Variants in MYLK observed in about 807,000 individuals in gnomAD.
MYLK encodes the protein myosin light chain kinase, smooth muscle.
A neutral mutation model predicts 203.4 loss-of-function variants in MYLK; 106 were observed. The ratio of observed to expected loss-of-function variants is 0.52; its 90% CI spans 0.45 to 0.61. The LOEUF (loss-of-function observed/expected upper bound fraction) is 0.61. Ranked by LOEUF, MYLK falls within the 20% of genes least tolerant of loss-of-function variation. The pLI is 0.00. For synonymous variants in MYLK, 867 were observed against 959.5 expected (o/e 0.90, Z 1.78); for missense variants, 2,072 against 2,442.3 (o/e 0.85, Z 3.20).
intron 4 of MYLK, among the ~76,000 whole-genome samples, chr3:123,763,417 C>T (rs996710178): frequency 6.6e-6 from 1 of 152,120 alleles, no homozygotes; most frequent in Non-Finnish European, 1.5e-5. Flanking sequence ...TCTATGCCAC[C>T]GTTTTGATAG....
chr3:123,675,829 AC>A, intron 20 of MYLK, among the ~76,000 whole-genome samples: 1 of 152,294 alleles, frequency 6.6e-6, no homozygotes. Flanking sequence ...GAGTCCTACC[AC>A]ACTGGCCCTG....
chr3:123,636,512 G>A (rs371808433), intron 29 of MYLK, among the ~76,000 whole-genome samples: 44 of 152,372 alleles, frequency 2.9e-4, no homozygotes, highest in African/African-American at 6.5e-4. Context: ...AGACCACAGC[G>A]CAGCTGGGGC....
chr3:123,853,201 T>C (rs2031024113), intron 2 of MYLK, among the ~76,000 whole-genome samples: 1 of 152,096 alleles, frequency 6.6e-6, no homozygotes, highest in Non-Finnish European at 1.5e-5. Context: ...AAGCCCACAA[T>C]ATTTTAAAGA....
intron 16 of MYLK, among the ~76,000 whole-genome samples, chr3:123,702,662 C>T (rs1236828382): frequency 6.6e-6 from 1 of 152,140 alleles, no homozygotes; most frequent in Admixed American, 6.5e-5. Context: ...AGAGTCACCA[C>T]TGTTTTTATA....
chr3:123,880,720 A>G (rs2033475674), intron 1 of MYLK, among the ~76,000 whole-genome samples: 1 of 152,196 alleles, frequency 6.6e-6, no homozygotes, highest in Non-Finnish European at 1.5e-5. Context: ...TCACCCTCAG[A>G]CACTGAAGTA....
chr3:123,610,132 T>TCAA lies in MYLK; in HGVS notation c.*3972_*3973insTTG, dbSNP rs1254626214. 5 of 152,272 alleles carry TCAA rather than the reference T, an allele frequency of 3.3e-5. No individual in the cohort carries two copies. The highest frequency in any genetic ancestry group is 1.2e-4 in the African/African-American group (5 of 41,476). 9.4% of individuals were successfully genotyped at this position (152,272 alleles called of 1,614,324 possible). On this transcript the variant is annotated 3_prime_UTR_variant, in exon 34 of 34. Coordinates refer to ENST00000360304, the MANE Select transcript of MYLK (RefSeq NM_053025.4). ...AGACTTTCACACAAGCTTTTCAGTT[T>TCAA]TAATTTCACATAATTTGAAAAGTGA...
intron 20 of MYLK, chr3:123,681,641 A>T (rs925615973): frequency 1.2e-5 from 2 of 165,150 alleles, no homozygotes; most frequent in Admixed American, 5.7e-5. Context: ...TGCAGTGAAG[A>T]GCTCAGTTTG....
At chr3:123,645,670 A>G (rs967160639) in intron 27 of MYLK, among the ~76,000 whole-genome samples, 1 of 152,238 alleles carries the variant, frequency 6.6e-6, no homozygotes, top group Non-Finnish European at 1.5e-5. Context: ...AGATGTGTGT[A>G]CAAGGTTACA....
chr3:123,625,163 C>G (rs959229787), intron 31 of MYLK: 14 of 152,322 alleles, frequency 9.2e-5, no homozygotes, highest in African/African-American at 2.9e-4. Context: ...ACTGAGGTTC[C>G]ACACCTAATT....
At chr3:123,680,286 C>T (rs2060218181) in intron 20 of MYLK, among the ~76,000 whole-genome samples, 1 of 152,186 alleles carries the variant, frequency 6.6e-6, no homozygotes, top group Non-Finnish European at 1.5e-5. Flanking sequence ...CAGGGGCTCA[C>T]TGGAGTGGGT....
Position 123,640,425 on chromosome 3 carries a change from G to C in MYLK, c.4699C>G (p.Arg1567Gly). 6.2e-7 allele frequency: 1 copy of C among 1,613,980 alleles called. No homozygotes were observed. The highest frequency in any genetic ancestry group is 8.5e-7 in the Non-Finnish European group (1 of 1,180,022). ...LTERECIKYM[R>G]QISEGVEYIH... is the part of the protein sequence containing the mutation. The stretch of plus-strand genomic sequence containing the variant: ...TACTCCACTCCCTCCGAGATCTGCC[G>C]CATGTACTTGATGCACTCACGCTCC... The change falls in exon 28 of 34, where the codon CGG becomes GGG. Residue 1567 changes from arginine to glycine, a missense_variant. This residue lies in a region of MYLK where 524 missense variants were observed against 782.4 expected (regional missense o/e 0.67). Transcript: ENST00000360304. The surrounding 1 kb of genome is among the most constrained non-coding windows in gnomAD (Gnocchi z 4.3).
In MYLK at chr3:123,666,293, C is replaced by T; in HGVS notation, c.3757G>A (p.Glu1253Lys). ...FPEDQKVRAGESVELFGKVTG... is the reference protein window; with the variant it reads ...FPEDQKVRAGKSVELFGKVTG... ...ACTTTGCCAAACAGCTCCACTGACT[C>T]TCCTGCGCGTACCTTCTGGTCCTCA... Residue 1253 changes from glutamate (E) to lysine (K), a missense_variant, in exon 22 of 34, where the codon GAG (glutamate) becomes AAG (lysine). Physicochemically the swap from Glu to Lys is moderately conservative, Grantham distance 56 (BLOSUM62 1). This residue lies in a region of MYLK where 865 missense variants were observed against 1,016.0 expected (regional missense o/e 0.85). Transcript: ENST00000360304. The T allele has an allele frequency of 6.2e-7, 1 of 1,614,246 alleles. No homozygotes were observed. The highest frequency in any genetic ancestry group is 2.2e-5 in the East Asian group (1 of 44,886).
chr3:123,795,084 C>T (rs2064936584), intron 3 of MYLK, among the ~76,000 whole-genome samples: 1 of 152,136 alleles, frequency 6.6e-6, no homozygotes, highest in East Asian at 1.9e-4. Context: ...GTGAAAATAT[C>T]CATAATTCTA....
chr3:123,647,530 C>T (rs776075085), intron 26 of MYLK, 103 bp from the exon 27 acceptor site: 4 of 962,982 alleles, frequency 4.2e-6, no homozygotes, highest in South Asian at 1.3e-5. Context: ...GGCCCACCTC[C>T]TTTTATAAGT....
intron 4 of MYLK, among the ~76,000 whole-genome samples, chr3:123,764,688 T>C (rs183466820): frequency 2.8e-4 from 42 of 152,302 alleles, no homozygotes; most frequent in Middle Eastern, 6.8e-3. Flanking sequence ...CGGAGGAGCT[T>C]TCAGTCTCCT....
At chr3:123,833,277 A>C (rs2066391558) in intron 2 of MYLK, among the ~76,000 whole-genome samples, 1 of 152,202 alleles carries the variant, frequency 6.6e-6, no homozygotes, top group Admixed American at 6.5e-5. Flanking sequence ...TAATCCAGGC[A>C]ATCCCAGCAG....
At chr3:123,765,921 G>A (rs1347915991) in intron 4 of MYLK, among the ~76,000 whole-genome samples, 1 of 152,152 alleles carries the variant, frequency 6.6e-6, no homozygotes, top group Non-Finnish European at 1.5e-5. Flanking sequence ...AGAGGGAAAG[G>A]AAGTAAGAAG....
intron 4 of MYLK, among the ~76,000 whole-genome samples, chr3:123,782,785 T>A (rs2064352012): frequency 6.6e-6 from 1 of 152,214 alleles, no homozygotes; most frequent in African/African-American, 2.4e-5. Flanking sequence ...GAGACAGACA[T>A]ATCTAGACAG....
intron 18 of MYLK, among the ~76,000 whole-genome samples, chr3:123,694,921 T>G (rs558318574): frequency 1.5e-4 from 23 of 152,156 alleles, no homozygotes; most frequent in South Asian, 2.1e-4. Context: ...TCCCAGAGGT[T>G]TTTTTTTGAG....
Sources: gnomAD v4.1 joint callset for allele counts (sites outside exome capture counted in the v4.1 genomes callset) on GRCh38, gnomAD v4.1.1 for gene constraint, gnomAD v4.1.1 regional missense constraint, Gnocchi (gnomAD v3.1) non-coding constraint, MANE v1.5 for transcripts, NCBI Gene and HGNC (gene_info 2026-07-23, HGNC 2026-07-21) for gene names.